RANBP2: variants seen among roughly 807,000 people sequenced by gnomAD.
RANBP2 encodes E3 SUMO-protein ligase RanBP2.
RANBP2 carries 57 observed loss-of-function variants against 303.6 expected under a neutral mutation model. The ratio of observed to expected loss-of-function variants is 0.19; its 90% CI spans 0.15 to 0.23. The LOEUF is 0.23. Among genes scored for constraint, RANBP2 ranks in the 10% least tolerant of loss-of-function variants. RANBP2 has a pLI of 1.00. For missense variants in RANBP2, 3,138 were observed against 3,780.8 expected (o/e 0.83, Z 4.46); for synonymous variants, 1,167 against 1,301.5 (o/e 0.90, Z 2.23).
chr2:109,136,544 C>A, the RANBP2 span, among the ~76,000 whole-genome samples: 1 of 152,174 alleles, frequency 6.6e-6, no homozygotes, highest in African/African-American at 2.4e-5. Context: ...GATTTGTATT[C>A]TGCTTTCTTT....
chr2:109,492,765 C>T, the RANBP2 span, among the ~76,000 whole-genome samples: 7 of 152,082 alleles, frequency 4.6e-5, no homozygotes, highest in African/African-American at 1.2e-4. Flanking sequence ...CTGTAGGGTG[C>T]GCAGTCAGCA....
At chr2:108,743,141 T>TTAAA in intron 7 of RANBP2, among the ~76,000 whole-genome samples, 1 of 152,214 alleles carries the variant, frequency 6.6e-6, no homozygotes, top group East Asian at 1.9e-4. Flanking sequence ...TGTGTGTCTA[T>TTAAA]TAGAGTCTTG....
the RANBP2 span, chr2:108,816,227 G>T: frequency 1.5e-6 from 1 of 679,256 alleles, no homozygotes; most frequent in Non-Finnish European, 2.4e-6. Context: ...GAGCTGGGCA[G>T]ATCACCTGAG....
the RANBP2 span, among the ~76,000 whole-genome samples, chr2:108,821,928 CAA>C: frequency 6.1e-5 from 8 of 130,828 alleles, no homozygotes; most frequent in Admixed American, 1.5e-4. Flanking sequence ...AACTTTGTCT[CAA>C]AAAAAAAAAA....
the RANBP2 span, among the ~76,000 whole-genome samples, chr2:108,916,892 G>A: frequency 6.6e-6 from 1 of 152,168 alleles, no homozygotes; most frequent in Non-Finnish European, 1.5e-5. Flanking sequence ...GACTGGTCAG[G>A]AGAATCACAG....
the RANBP2 span, among the ~76,000 whole-genome samples, chr2:109,170,890 A>G: frequency 3.3e-5 from 5 of 152,182 alleles, no homozygotes; most frequent in Non-Finnish European, 7.3e-5. Context: ...CCTCTGTTCA[A>G]AGAGGACTGA....
chr2:109,661,649 G>A, the RANBP2 span, among the ~76,000 whole-genome samples: 45,236 of 152,038 alleles, frequency 0.3, 7,481 homozygotes, highest in African/African-American at 0.42. Context: ...AAGGAATACT[G>A]GAAAAGGTAG....
At chr2:108,932,708 T>C in the RANBP2 span, among the ~76,000 whole-genome samples, 1 of 152,100 alleles carries the variant, frequency 6.6e-6, no homozygotes, top group Non-Finnish European at 1.5e-5. Context: ...AAGGGCTTCT[T>C]CACTGAGATT....
the RANBP2 span, among the ~76,000 whole-genome samples, chr2:109,667,617 G>A: frequency 6.6e-6 from 1 of 152,084 alleles, no homozygotes; most frequent in Non-Finnish European, 1.5e-5. Context: ...GTATCTCCAT[G>A]CCAACAATGA....
chr2:109,495,143 C>T, the RANBP2 span, among the ~76,000 whole-genome samples: 38,780 of 152,172 alleles, frequency 0.25, 5,295 homozygotes, highest in East Asian at 0.5. Context: ...CTGGCATATT[C>T]TTGTCCTGCG....
chr2:109,423,149 G>T, the RANBP2 span, among the ~76,000 whole-genome samples: 1 of 152,124 alleles, frequency 6.6e-6, no homozygotes, highest in East Asian at 1.9e-4. Flanking sequence ...GCACCTGAGG[G>T]ACCTGGGAGT....
At chr2:109,391,975 G>A in the RANBP2 span, among the ~76,000 whole-genome samples, 5 of 151,980 alleles carry the variant, frequency 3.3e-5, no homozygotes, top group South Asian at 2.1e-4. Context: ...ATGCCACCAC[G>A]CCCAGCTAAT....
chr2:109,497,400 C>CA, the RANBP2 span, among the ~76,000 whole-genome samples: 3 of 152,222 alleles, frequency 2.0e-5, no homozygotes, highest in East Asian at 5.8e-4. Context: ...GAAAGCAGAA[C>CA]ATCCAAACCT....
the RANBP2 span, among the ~76,000 whole-genome samples, chr2:109,748,779 AGGAGAATCGCTTGAACCCAGGAGGC>A: frequency 2.6e-5 from 4 of 151,364 alleles, no homozygotes; most frequent in South Asian, 8.4e-4. Context: ...AGACTGAGGC[AGGAGAATCGCTTGAACCCAGGAGGC>A]GGAGGTTGCA....
the RANBP2 span, chr2:109,128,807 G>C: frequency 4.9e-6 from 1 of 202,424 alleles, no homozygotes; most frequent in African/African-American, 2.4e-5. Context: ...AAAAGACTCG[G>C]ACGCTTGGAG....
At chr2:109,189,791 CAGTG>C in the RANBP2 span, among the ~76,000 whole-genome samples, 1 of 152,224 alleles carries the variant, frequency 6.6e-6, no homozygotes, top group Non-Finnish European at 1.5e-5. Flanking sequence ...AGTTCCCCAA[CAGTG>C]AGACCCACTT....
At chr2:109,703,413 G>A in the RANBP2 span, among the ~76,000 whole-genome samples, 1 of 152,092 alleles carries the variant, frequency 6.6e-6, no homozygotes, top group African/African-American at 2.4e-5. Flanking sequence ...AAAAAACCAC[G>A]TTTTTATTTT....
chr2:109,057,499 G>A, the RANBP2 span, among the ~76,000 whole-genome samples: 11 of 152,164 alleles, frequency 7.2e-5, no homozygotes, highest in Admixed American at 3.3e-4. Flanking sequence ...TTGCGGAGTC[G>A]AAGGGCAAAG....
chr2:108,822,871 G>A, the RANBP2 span, among the ~76,000 whole-genome samples: 1 of 152,166 alleles, frequency 6.6e-6, no homozygotes, highest in Admixed American at 6.5e-5. Context: ...CTGTGATTTG[G>A]TTCTTTGAAA....
Sources: allele counts gnomAD v4.1 joint callset (sites outside exome capture counted in the v4.1 genomes callset), GRCh38; gene constraint gnomAD v4.1.1; transcripts MANE v1.5; gene names NCBI Gene and HGNC (gene_info 2026-07-23, HGNC 2026-07-21).